ABCB11: variants seen among roughly 807,000 people sequenced by gnomAD.
ABCB11 encodes ATP binding cassette subfamily B member 11, also known as bile salt export pump.
Under a neutral mutation model 148.0 loss-of-function variants are expected in ABCB11, and 95 were observed. The ratio of observed to expected loss-of-function variants is 0.64; its 90% CI spans 0.54 to 0.76. The LOEUF (loss-of-function observed/expected upper bound fraction) is 0.76. Among genes scored for constraint, ABCB11 ranks in the 30% least tolerant of loss-of-function variants. The probability of loss-of-function intolerance (pLI) is 0.00; values close to 1 mark genes in which losing one functional copy is unlikely to be tolerated. For missense variants in ABCB11, 1,523 were observed against 1,617.8 expected, an observed-to-expected ratio of 0.94 and a Z score of 1.01; for synonymous variants, 591 against 555.4, an observed-to-expected ratio of 1.06 and a Z score of -0.90.
At chr2:168,945,776 T>G (rs1448447553) in intron 19 of ABCB11, among the ~76,000 whole-genome samples, 1 of 151,924 alleles carries the variant, frequency 6.6e-6, no homozygotes, top group African/African-American at 2.4e-5. Flanking sequence ...AAAGAAAATA[T>G]GACTTTCACT....
intron 19 of ABCB11, among the ~76,000 whole-genome samples, chr2:168,946,284 C>T (rs1692303219): frequency 1.3e-5 from 2 of 151,782 alleles, no homozygotes; most frequent in African/African-American, 4.8e-5. Context: ...ACCATTTATT[C>T]AAAAATATTT....
intron 10 of ABCB11, among the ~76,000 whole-genome samples, chr2:168,983,385 C>A (rs1187449202): frequency 2.0e-5 from 3 of 152,064 alleles, no homozygotes; most frequent in Non-Finnish European, 4.4e-5. Flanking sequence ...AAAATCTGGA[C>A]CTGCAATACT....
intron 23 of ABCB11, among the ~76,000 whole-genome samples, chr2:168,932,991 C>T (rs1217267918): frequency 6.6e-6 from 1 of 151,624 alleles, no homozygotes; most frequent in African/African-American, 2.4e-5. Context: ...CGCCTGTGGT[C>T]CCAGCTACTC....
intron 13 of ABCB11, among the ~76,000 whole-genome samples, chr2:168,972,399 G>T (rs907405996): frequency 1.3e-5 from 2 of 151,712 alleles, no homozygotes; most frequent in Non-Finnish European, 2.9e-5. Context: ...GACAAAAATG[G>T]ACTCAAAAGA....
chr2:168,935,004 C>A (rs1323706699), intron 23 of ABCB11, among the ~76,000 whole-genome samples, 180 bp downstream of exon 23: 4 of 152,234 alleles, frequency 2.6e-5, no homozygotes, highest in Admixed American at 2.6e-4. Context: ...CTGACTGAGT[C>A]AGCCCAGGTC....
chr2:169,006,464 C>T (rs1441317609), intron 5 of ABCB11, among the ~76,000 whole-genome samples: 2 of 152,100 alleles, frequency 1.3e-5, no homozygotes, highest in East Asian at 3.9e-4. Flanking sequence ...AAATGCTTTC[C>T]CCCTAAGATA....
intron 25 of ABCB11, among the ~76,000 whole-genome samples, chr2:168,928,987 T>C (rs913031076): frequency 2.0e-5 from 3 of 152,206 alleles, no homozygotes; most frequent in Non-Finnish European, 4.4e-5. Context: ...AGGAAATCTT[T>C]AGTTGCCTTT....
At chr2:168,966,573 T>C in intron 17 of ABCB11, among the ~76,000 whole-genome samples, 1 of 151,878 alleles carries the variant, frequency 6.6e-6, no homozygotes, top group Non-Finnish European at 1.5e-5. Flanking sequence ...TAAAAACAAC[T>C]AACTTGGGGG....
rs1465685111 is a variant in ABCB11 at position 168,935,276 on chromosome 2, G to T, written c.2964C>A (p.Ala988=). ...ANIYGFCFAF[A]QCIMFIANSA... is the part of the protein sequence containing the mutation. The stretch of plus-strand genomic sequence containing the variant: ...AATTCGCAATAAACATGATGCACTG[G>T]GCAAAGGCAAAGCAGAATCCGTAAA... The change falls in exon 23 of 28, where the codon GCC becomes GCA. Residue 988 remains alanine, a synonymous_variant. Coordinates refer to ENST00000650372, the MANE Select transcript of ABCB11 (RefSeq NM_003742.4). 1 of 1,613,944 alleles carries T rather than the reference G, an allele frequency of 6.2e-7. No individual in the cohort carries two copies. The highest frequency in any genetic ancestry group is 8.5e-7 in the Non-Finnish European group (1 of 1,179,866).
intron 9 of ABCB11, among the ~76,000 whole-genome samples, chr2:168,989,892 T>C (rs180868952): frequency 4.6e-5 from 7 of 152,266 alleles, no homozygotes; most frequent in Admixed American, 1.3e-4. Flanking sequence ...TTTCATTCTG[T>C]TAATGTGGTA....
chr2:169,026,250 G>A (rs1227214449), intron 1 of ABCB11, among the ~76,000 whole-genome samples: 7 of 152,104 alleles, frequency 4.6e-5, no homozygotes, highest in African/African-American at 1.7e-4. Context: ...TGTTTTCTTT[G>A]TTTGTTTTCT....
At position 168,972,015 on chromosome 2, in the gene ABCB11, G is replaced by T. The variant is rs747864916; in HGVS notation, c.1470C>A (p.Asn490Lys). The T allele has an allele frequency of 6.2e-7, 1 of 1,612,854 alleles. No homozygotes were observed. The highest frequency in any genetic ancestry group is 1.3e-5 in the African/African-American group (1 of 74,982). ...CAATCTGATCTCTAAGCCACTGAAT[G>T]TTAAGAGAGCGAATGTCATGGCCAT... is the stretch of plus-strand genomic sequence containing the variant. ...TVDGHDIRSL[N>K]IQWLRDQIGI... The change falls in exon 14 of 28, where the codon AAC becomes AAA. Residue 490 changes from asparagine (N) to lysine (K), a missense_variant. Coordinates refer to ENST00000650372, the MANE Select transcript of ABCB11 (RefSeq NM_003742.4).
At chr2:169,006,586 A>T (rs950215635) in intron 5 of ABCB11, among the ~76,000 whole-genome samples, 9 of 150,664 alleles carry the variant, frequency 6.0e-5, no homozygotes, top group Non-Finnish European at 1.5e-5. Flanking sequence ...AATAAAATAA[A>T]AAAGGCAGCT....
Position 168,922,015 on chromosome 2 carries a change from AT to A in ABCB11, c.*1606del, listed in dbSNP as rs1232200454. Among the ~76,000 whole-genome samples, 5 of 151,418 alleles carry A rather than the reference AT, an allele frequency of 3.3e-5. No individual in the cohort carries two copies. The highest frequency in any genetic ancestry group is 2.6e-4 in the Admixed American group (4 of 15,222). ...AGGCGCCCGCCACCACGCCCGGCTA[AT>A]TTTTTTGTATTTTTAGTAGAGACGG... On this transcript the variant is annotated 3_prime_UTR_variant, in exon 28 of 28. Transcript: ENST00000650372.
intron 5 of ABCB11, among the ~76,000 whole-genome samples, chr2:169,012,604 G>A (rs954436347): frequency 6.6e-6 from 1 of 151,694 alleles, no homozygotes; most frequent in East Asian, 1.9e-4. Flanking sequence ...GCTGGGCATA[G>A]TGGCGGGCGC....
rs1691069436 is a variant in ABCB11, at chr2:168,921,355, AG to A, written c.*2266del. On this transcript the variant is annotated 3_prime_UTR_variant, in exon 28 of 28. Coordinates refer to ENST00000650372, the MANE Select transcript of ABCB11 (RefSeq NM_003742.4). ...AGAATTTCGTTTGTTGGCTAAGGGA[AG>A]AAAAACCATCTACGTAGAGTGAGCT... Among the ~76,000 whole-genome samples, 1 of 152,196 alleles carries A rather than the reference AG, an allele frequency of 6.6e-6. No homozygotes were observed. Among genetic ancestry groups the A allele is most frequent in the Admixed American group, 6.5e-5 (1 of 15,278 alleles).
At chr2:168,937,670 C>T (rs1486208284) in intron 21 of ABCB11, among the ~76,000 whole-genome samples, 1 of 152,184 alleles carries the variant, frequency 6.6e-6, no homozygotes. Context: ...GGTAATATTA[C>T]TTATTCAATG....
At chr2:169,014,231 TAA>T in intron 4 of ABCB11, 70 bp downstream of exon 4, 210 of 1,434,830 alleles carry the variant, frequency 1.5e-4, no homozygotes, top group Middle Eastern at 3.5e-4. Context: ...ACTAAAGATT[TAA>T]CACTCCCCTC....
chr2:169,000,496 T>C lies in ABCB11; in HGVS notation c.390-3774A>G, dbSNP rs538808642. 7.2e-5 allele frequency among the ~76,000 whole-genome samples: 11 copies of C among 152,266 alleles called. No homozygotes were observed. In the South Asian group the frequency reaches 8.3e-4, roughly 11 times the overall value. On this transcript the variant is annotated intron_variant, in intron 5 of 27. Transcript: ENST00000650372. Reference sequence around the variant, plus strand: ...TAATTTCATTTTTTTGCCCTATGGATGTCCAGCTGCTCCACAGCCATTTGA... The same window carrying C: ...TAATTTCATTTTTTTGCCCTATGGACGTCCAGCTGCTCCACAGCCATTTGA...
Sources: gnomAD v4.1 joint callset for allele counts (sites outside exome capture counted in the v4.1 genomes callset) on GRCh38, gnomAD v4.1.1 for gene constraint, MANE v1.5 for transcripts, NCBI Gene and HGNC (gene_info 2026-07-23, HGNC 2026-07-21) for gene names.